Variants in RBM6 observed in about 807,000 individuals in gnomAD.
The protein encoded by RBM6 is RNA-binding protein 6.
Under a neutral mutation model 140.4 loss-of-function variants are expected in RBM6, and 23 were observed. The observed-to-expected ratio is 0.16, with a 90% CI of 0.12 to 0.23. RBM6 has a LOEUF of 0.23. RBM6 is among the 10% of genes least tolerant of loss of function. RBM6 has a pLI of 1.00. For synonymous variants in RBM6, 439 were observed against 475.6 expected, an observed-to-expected ratio of 0.92 and a Z score of 1.00; for missense variants, 1,139 against 1,386.7, an observed-to-expected ratio of 0.82 and a Z score of 2.84.
At chr3:50,062,390 G>C in intron 15 of RBM6, among the ~76,000 whole-genome samples, 1 of 151,880 alleles carries the variant, frequency 6.6e-6, no homozygotes, top group East Asian at 1.9e-4. Flanking sequence ...TGTAGTCCCA[G>C]CTACTCAGGA....
chr3:49,967,438 C>T lies in RBM6; in HGVS notation c.45-32C>T. ...GTGTGTAGATTTCAAACTCTCTGGA[C>T]AATATGAATAACACTGTCTTTGTTT... On this transcript the variant is annotated intron_variant, in intron 2 of 20. Transcript: ENST00000266022. The surrounding 1 kb of genome is among the most constrained non-coding windows in gnomAD (Gnocchi z 4.0). 6.4e-7 allele frequency: 1 copy of T among 1,571,496 alleles called. No individual in the cohort carries two copies. The highest frequency in any genetic ancestry group is 8.6e-7 in the Non-Finnish European group (1 of 1,156,080).
chr3:50,000,827 G>C (rs1313839593), intron 6 of RBM6, among the ~76,000 whole-genome samples: 3 of 152,122 alleles, frequency 2.0e-5, no homozygotes, highest in African/African-American at 2.4e-5. Context: ...AACTCAGTGT[G>C]GCTCATTATA....
intron 5 of RBM6, chr3:49,981,450 C>T (rs1160263338): frequency 6.6e-6 from 1 of 152,190 alleles, no homozygotes; most frequent in Non-Finnish European, 1.5e-5. Context: ...TTAATGTACC[C>T]TGAGGACCAC....
At chr3:50,050,578 G>C (rs1473368739) in intron 7 of RBM6, among the ~76,000 whole-genome samples, 1 of 152,124 alleles carries the variant, frequency 6.6e-6, no homozygotes, top group Non-Finnish European at 1.5e-5. Context: ...GAATTGCTGA[G>C]TCATATGGTA....
intron 5 of RBM6, among the ~76,000 whole-genome samples, chr3:49,979,637 C>T (rs1259530211): frequency 3.3e-5 from 5 of 152,016 alleles, no homozygotes; most frequent in Admixed American, 6.6e-5. Context: ...GACGGGGTTT[C>T]GCCATGTTGG....
intron 6 of RBM6, among the ~76,000 whole-genome samples, chr3:50,018,367 AT>A (rs2087282290): frequency 6.6e-6 from 1 of 152,044 alleles, no homozygotes; most frequent in African/African-American, 2.4e-5. Flanking sequence ...TTGATAGCTC[AT>A]TTCTTTTTAG....
At chr3:49,954,546 A>G (rs991732437) in intron 1 of RBM6, among the ~76,000 whole-genome samples, 1 of 151,204 alleles carries the variant, frequency 6.6e-6, no homozygotes, top group Non-Finnish European at 1.5e-5. Context: ...CTCCCAAAGT[A>G]TTGGAATTAC....
At chr3:50,043,568 A>T (rs955069137) in intron 6 of RBM6, among the ~76,000 whole-genome samples, 4 of 151,432 alleles carry the variant, frequency 2.6e-5, no homozygotes, top group Admixed American at 6.6e-5. Flanking sequence ...ATGTATGTAC[A>T]CACATATATA....
At chr3:50,055,057 C>T (rs1042624202) in intron 8 of RBM6, among the ~76,000 whole-genome samples, 3 of 152,208 alleles carry the variant, frequency 2.0e-5, no homozygotes, top group Non-Finnish European at 4.4e-5. Context: ...CTCCTGACCT[C>T]GTGATCTGTC....
chr3:49,988,588 A>G (rs145337635), intron 5 of RBM6, among the ~76,000 whole-genome samples: 1 of 152,326 alleles, frequency 6.6e-6, no homozygotes, highest in East Asian at 1.9e-4. Context: ...ACAACAAAAC[A>G]AAATCTTACC....
chr3:49,979,311 T>C (rs1447969598), intron 5 of RBM6, among the ~76,000 whole-genome samples: 1 of 152,164 alleles, frequency 6.6e-6, no homozygotes, highest in African/African-American at 2.4e-5. Flanking sequence ...GTACTTCTTT[T>C]GGGCTGATAG....
At position 49,968,301 on chromosome 3, in the gene RBM6, T is replaced by C. The variant is rs748087218; in HGVS notation, c.876T>C (p.Ile292=). The stretch of plus-strand genomic sequence containing the variant: ...AGATGCCCCCTGTGGATCCAAATAT[T>C]TTGGATTACATTCAGCCCTCTACAC... The part of the protein sequence containing the change: ...DREMPPVDPN[I]LDYIQPSTQD... Residue 292 remains isoleucine, a synonymous_variant, in exon 3 of 21, where the codon ATT becomes ATC. Transcript: ENST00000266022. 2.5e-6 allele frequency: 4 copies of C among 1,613,940 alleles called. No homozygotes were observed. Among genetic ancestry groups the C allele is most frequent in the Non-Finnish European group, 3.4e-6 (4 of 1,180,010 alleles).
chr3:49,967,898 G>C lies in RBM6; in HGVS notation c.473G>C (p.Arg158Thr). Residue 158 changes from arginine (R) to threonine (T), a missense_variant, in exon 3 of 21, where the codon AGG becomes ACG. Physicochemically the swap from Arg to Thr is moderately conservative, Grantham distance 71. Around this residue, in one of 9 missense-constraint regions of RBM6, gnomAD observed 566 missense variants for 612.7 expected, o/e 0.92. Transcript: ENST00000266022. This position sits in a 1 kb window ranked among gnomAD's most constrained non-coding sequence, Gnocchi z 4.0. ...GCACCTCATATGAACTACAGAGACA[G>C]GGATGCTCACGCTGTTGACTTCAGA... ...REAPHMNYRD[R>T]DAHAVDFRGR... 6.2e-7 allele frequency: 1 copy of C among 1,613,890 alleles called. No individual in the cohort carries two copies. Among genetic ancestry groups the C allele is most frequent in the Admixed American group, 1.7e-5 (1 of 59,994 alleles).
At chr3:50,049,373 G>A (rs918334249) in intron 7 of RBM6, among the ~76,000 whole-genome samples, 3 of 152,076 alleles carry the variant, frequency 2.0e-5, no homozygotes, top group Non-Finnish European at 4.4e-5. Context: ...GCCTCCCAAA[G>A]TATTGAGATT....
In RBM6 at chr3:50,035,351, G is replaced by A. The variant is rs192493257; in HGVS notation, c.1558-12894G>A. Among the ~76,000 whole-genome samples the A allele has an allele frequency of 2.3e-3, 345 of 152,160 alleles. 1 individual carries two copies. The highest frequency in any genetic ancestry group is 4.2e-3 in the Non-Finnish European group (287 of 68,000). On this transcript the variant is annotated intron_variant, in intron 6 of 20. Coordinates refer to ENST00000266022, the MANE Select transcript of RBM6 (RefSeq NM_005777.3). ...AACAGGATAGAGAGCAGTTAAAACT[G>A]CCCTGGAAAAGCCAGACTTACAGGC...
chr3:50,040,242 C>T (rs1283923886), intron 6 of RBM6, among the ~76,000 whole-genome samples: 5 of 151,700 alleles, frequency 3.3e-5, no homozygotes, highest in African/African-American at 7.3e-5. Context: ...GTCAGGAGAC[C>T]GAGACCATCC....
intron 4 of RBM6, among the ~76,000 whole-genome samples, chr3:49,974,403 G>A (rs1302950435): frequency 1.4e-5 from 2 of 146,700 alleles, no homozygotes; most frequent in African/African-American, 5.1e-5. Flanking sequence ...ATGGAGTCTC[G>A]CTCTGTTGCC....
intron 6 of RBM6, among the ~76,000 whole-genome samples, chr3:50,000,887 A>G (rs778876271): frequency 6.6e-6 from 1 of 152,192 alleles, no homozygotes; most frequent in Non-Finnish European, 1.5e-5. Context: ...TATGGAGATG[A>G]CATGCTCTAA....
intron 5 of RBM6, among the ~76,000 whole-genome samples, chr3:49,995,471 G>A (rs186944496): frequency 9.0e-4 from 137 of 151,576 alleles, no homozygotes; most frequent in Middle Eastern, 3.4e-3. Context: ...TTGAGCCTGA[G>A]AGGCAGAGGT....
Sources: gnomAD v4.1 joint callset for allele counts (sites outside exome capture counted in the v4.1 genomes callset) on GRCh38, gnomAD v4.1.1 for gene constraint, gnomAD v4.1.1 regional missense constraint, Gnocchi (gnomAD v3.1) non-coding constraint, MANE v1.5 for transcripts, NCBI Gene and HGNC (gene_info 2026-07-23, HGNC 2026-07-21) for gene names.